The following C22orf42 variants were observed in gnomAD, a reference collection of about 807,000 sequenced individuals.
The protein encoded by C22orf42 is chromosome 22 open reading frame 42, also known as uncharacterized protein C22orf42.
A neutral mutation model predicts 31.4 loss-of-function variants in C22orf42; 24 were observed. The observed-to-expected ratio is 0.77, with a 90% confidence interval of 0.55 to 1.08. C22orf42 has a LOEUF of 1.08. Ranked by LOEUF, C22orf42 falls within the 50% of genes least tolerant of loss-of-function variation. The pLI, the probability that C22orf42 is intolerant of heterozygous loss-of-function variation, is 0.00. For missense variants in C22orf42, 276 were observed against 327.3 expected, an observed-to-expected ratio of 0.84 and a Z score of 1.21; for synonymous variants, 96 against 112.7, an observed-to-expected ratio of 0.85 and a Z score of 0.94.
intron 3 of C22orf42, 124 bp downstream of exon 3, chr22:32,152,438 T>G (rs7293186): frequency 0.19 from 158,758 of 832,712 alleles, 17,025 homozygotes; most frequent in Middle Eastern, 0.27. Flanking sequence ...GTGACCGGTC[T>G]CTAGAGTCCA....
upstream of C22orf42, chr22:32,159,363 G>A (rs1009954327): frequency 4.5e-5 from 64 of 1,435,920 alleles, no homozygotes; most frequent in Admixed American, 5.5e-5. Context: ...TCACCTGGTT[G>A]CCAGGAAACA....
chr22:32,155,348 G>A (rs1333597091), intron 1 of C22orf42, among the ~76,000 whole-genome samples: 1 of 152,072 alleles, frequency 6.6e-6, no homozygotes. Context: ...AACATTTAAA[G>A]TCTCTCAGTT....
rs878910639 is a variant in C22orf42 at position 32,152,263 on chromosome 22, G to A, written c.373-169C>T. On this transcript the variant is annotated intron_variant, in intron 3 of 8. Coordinates refer to ENST00000382097, the MANE Select transcript of C22orf42 (RefSeq NM_001010859.3). The stretch of plus-strand genomic sequence containing the variant: ...AGGATGCTTGTGGAAAATGCAGTGG[G>A]TTTTTTGGAATATTTAGCAAGTCTA... Among the ~76,000 whole-genome samples, 7 of 152,108 alleles carry A rather than the reference G, an allele frequency of 4.6e-5. No homozygotes were observed. The South Asian group carries it at 6.2e-4, about 14-fold the overall frequency.
Position 32,149,592 on chromosome 22 carries a change from G to C in C22orf42, c.704C>G (p.Ser235Cys), listed in dbSNP as rs540390509. 63 of 1,525,472 alleles carry C rather than the reference G, an allele frequency of 4.1e-5. 1 individual carries two copies. The East Asian group carries it at 1.5e-3, about 36-fold the overall frequency. The allele number at this position is 1,525,472 out of a possible 1,614,324, so 94.5% of individuals were successfully genotyped here. A position where few individuals can be genotyped will look rare whatever the true frequency, so the allele number is the denominator to read the frequency against. ...DYLCWVKMAR[S>C]RLNEPISSQV... is the part of the protein sequence containing the mutation. ...GCTGCTGATGGGTTCATTGAGCCGA[G>C]ACCGTGCCATCTTAACCCAGCCTAG... The change falls in exon 9 of 9, where the codon TCT becomes TGT. Residue 235 changes from serine (S) to cysteine (C), a missense_variant. Physicochemically the swap from Ser to Cys is moderately radical, Grantham distance 112. Transcript: ENST00000382097.
In C22orf42 at chr22:32,151,515, C is replaced by T. The variant is rs1603177709; in HGVS notation, c.437G>A (p.Gly146Asp). Residue 146 changes from glycine (G) to aspartate (D), a missense_variant, in exon 5 of 9, where the codon GGT (glycine) becomes GAT (aspartate). Gly to Asp is a moderately conservative substitution (Grantham distance 94, BLOSUM62 -1). Transcript: ENST00000382097. ...TEDVQVSAHG[G>D]VEENITSDIE... ...ATCTGACGTTATATTCTCCTCCACA[C>T]CGCCGTGTGCAGACACCTGCACATC... is the stretch of plus-strand genomic sequence containing the variant. The T allele has an allele frequency of 1.9e-6, 3 of 1,613,690 alleles. No homozygotes were observed. The highest frequency in any genetic ancestry group is 2.2e-5 in the East Asian group (1 of 44,898).
chr22:32,152,947 C>G (rs1433174204), intron 2 of C22orf42, among the ~76,000 whole-genome samples: 1 of 152,128 alleles, frequency 6.6e-6, no homozygotes. Context: ...AGGCAAATCC[C>G]CAATTTTATG....
chr22:32,149,640 T>C, intron 8 of C22orf42, 27 bp from the exon 9 acceptor site: 1 of 1,327,666 alleles, frequency 7.5e-7, no homozygotes, highest in South Asian at 1.9e-5. Flanking sequence ...AGACTTCATC[T>C]CAAAAAAAAA....
At chr22:32,151,077 T>C (rs1040733242) in intron 5 of C22orf42, 58 bp from the exon 6 acceptor site, 15 of 1,572,480 alleles carry the variant, frequency 9.5e-6, no homozygotes, top group Non-Finnish European at 1.2e-5. Context: ...CTGGGTTCTG[T>C]TGGCAAAGGC....
upstream of C22orf42, chr22:32,160,199 C>T (rs1921515331): frequency 6.6e-6 from 1 of 152,054 alleles, no homozygotes; most frequent in South Asian, 2.1e-4. Flanking sequence ...AAGATGGGGC[C>T]AGAATTTAAT....
Position 32,150,426 on chromosome 22 carries a change from T to A in C22orf42, c.547A>T (p.Thr183Ser). The A allele has an allele frequency of 6.2e-7, 1 of 1,614,022 alleles. No homozygotes were observed. Among genetic ancestry groups the A allele is most frequent in the Non-Finnish European group, 8.5e-7 (1 of 1,179,970 alleles). ...SLSVCLEDFM[T>S]SDLSESLSVS... ...GATAGGCTTTCACTGAGATCCGATGTCATGAAGTCTTCAAGACAGACAGAT... is the reference window on the plus strand; with the variant it reads ...GATAGGCTTTCACTGAGATCCGATGACATGAAGTCTTCAAGACAGACAGAT... Residue 183 changes from threonine (T) to serine (S), a missense_variant, in exon 7 of 9, where the codon ACA becomes TCA. Transcript: ENST00000382097.
rs201429282 is a variant in C22orf42, at chr22:32,150,450, A to G, written c.523T>C (p.Ser175Pro). ...HLVEDLSESL[S>P]VCLEDFMTSD... ...GTCATGAAGTCTTCAAGACAGACAG[A>G]TAGGCTTTCACTGAGATCTTCGACC... The change falls in exon 7 of 9, where the codon TCT (serine) becomes CCT (proline). Residue 175 changes from serine (S) to proline (P), a missense_variant. Coordinates refer to ENST00000382097, the MANE Select transcript of C22orf42 (RefSeq NM_001010859.3). 6.8e-6 allele frequency: 11 copies of G among 1,614,088 alleles called. No homozygotes were observed. The highest frequency in any genetic ancestry group is 2.5e-6 in the Non-Finnish European group (3 of 1,180,042).
At chr22:32,153,967 T>C (rs1338464688) in intron 2 of C22orf42, among the ~76,000 whole-genome samples, 1 of 151,938 alleles carries the variant, frequency 6.6e-6, no homozygotes, top group Non-Finnish European at 1.5e-5. Context: ...AAGATCGCAG[T>C]GAGCTGTGAT....
intron 1 of C22orf42, 83 bp from the exon 2 acceptor site, chr22:32,154,401 T>C (rs1425136639): frequency 1.3e-4 from 191 of 1,473,662 alleles, no homozygotes; most frequent in Non-Finnish European, 1.7e-4. Flanking sequence ...TGGCAGAGGA[T>C]AGCAGAGAAA....
intron 1 of C22orf42, among the ~76,000 whole-genome samples, chr22:32,156,116 G>T (rs1921246432): frequency 6.6e-6 from 1 of 152,012 alleles, no homozygotes; most frequent in Non-Finnish European, 1.5e-5. Context: ...TAATCCTGAG[G>T]CTTAACTACT....
At position 32,159,064 on chromosome 22, in the gene C22orf42, A is replaced by C; in HGVS notation, c.152T>G (p.Leu51Trp). 6.2e-7 allele frequency: 1 copy of C among 1,614,134 alleles called. No individual in the cohort carries two copies. The highest frequency in any genetic ancestry group is 2.2e-5 in the East Asian group (1 of 44,888). The stretch of plus-strand genomic sequence containing the variant: ...TTGGGCCTTCTTAGCTTTCAAATCC[A>C]ATTTGGCAGGCTTTGCAGTGGTGGA... ...PASTTAKPAK[L>W]DLKAKKAQLM... Residue 51 changes from leucine to tryptophan, a missense_variant, in exon 1 of 9, where the codon TTG becomes TGG. Physicochemically the swap from Leu to Trp is moderately conservative, Grantham distance 61 (BLOSUM62 -2). Transcript: ENST00000382097.
intron 8 of C22orf42, 43 bp downstream of exon 8, chr22:32,149,710 T>G: frequency 1.7e-6 from 2 of 1,189,742 alleles, no homozygotes; most frequent in Non-Finnish European, 2.2e-6. Flanking sequence ...TATATCTATA[T>G]CTACATATAT....
chr22:32,157,882 G>T (rs1053680342), intron 1 of C22orf42, among the ~76,000 whole-genome samples: 1 of 152,284 alleles, frequency 6.6e-6, no homozygotes, highest in South Asian at 2.1e-4. Flanking sequence ...TGCCCACCTT[G>T]TGGCCACCCT....
In C22orf42 at chr22:32,150,489, C is replaced by G; in HGVS notation, c.494-10G>C. ...AGATCTTCGACCAAATCTAGGAGAA[C>G]ATAGTGACAGTCAGTGCATTGGTGC... On this transcript the variant is annotated splice_polypyrimidine_tract_variant and intron_variant, in intron 6 of 8. Coordinates refer to ENST00000382097, the MANE Select transcript of C22orf42 (RefSeq NM_001010859.3). 6.2e-7 allele frequency: 1 copy of G among 1,614,046 alleles called. No homozygotes were observed.
In C22orf42 at chr22:32,149,139, C is replaced by T. The variant is rs1285498240; in HGVS notation, c.*401G>A. 1 of 155,908 alleles carries T rather than the reference C, an allele frequency of 6.4e-6. No homozygotes were observed. The highest frequency in any genetic ancestry group is 1.4e-5 in the Non-Finnish European group (1 of 70,136). The allele number at this position is 155,908 out of a possible 1,614,324, so 9.7% of individuals were successfully genotyped here. On this transcript the variant is annotated 3_prime_UTR_variant, in exon 9 of 9. Transcript: ENST00000382097. ...ATATGTAACTAGCACAGTACTAGCACAAAATAAGGAGTCAGTTAATATTAG... is the reference window on the plus strand; with the variant it reads ...ATATGTAACTAGCACAGTACTAGCATAAAATAAGGAGTCAGTTAATATTAG...
Sources: allele counts gnomAD v4.1 joint callset (sites outside exome capture counted in the v4.1 genomes callset), GRCh38; gene constraint gnomAD v4.1.1; transcripts MANE v1.5; gene names NCBI Gene and HGNC (gene_info 2026-07-23, HGNC 2026-07-21).